The following C18orf63 variants were observed in gnomAD, a reference collection of about 807,000 sequenced individuals.
C18orf63 encodes the protein uncharacterized protein C18orf63.
C18orf63 carries 50 observed loss-of-function variants against 75.3 expected under a neutral mutation model. The ratio of observed to expected loss-of-function variants is 0.66; its 90% CI spans 0.53 to 0.84. The LOEUF is 0.84. Among genes scored for constraint, C18orf63 ranks in the 40% least tolerant of loss-of-function variants. The probability of loss-of-function intolerance (pLI) is 0.00; values close to 1 mark genes in which losing one functional copy is unlikely to be tolerated. For synonymous variants in C18orf63, 232 were observed against 267.6 expected (o/e 0.87, Z 1.30); for missense variants, 732 against 800.2 (o/e 0.91, Z 1.03).
At chr18:74,355,513 G>GC (rs201847043) in intron 13 of C18orf63, among the ~76,000 whole-genome samples, 15 of 152,226 alleles carry the variant, frequency 9.9e-5, no homozygotes, top group African/African-American at 3.6e-4. Context: ...AGGAGGGGGG[G>GC]CTTACACCTG....
chr18:74,336,546 A>G (rs952507541), intron 7 of C18orf63, among the ~76,000 whole-genome samples: 24 of 152,122 alleles, frequency 1.6e-4, no homozygotes, highest in African/African-American at 5.5e-4. Context: ...TATCATTTTA[A>G]ATGTTGCTGT....
chr18:74,326,447 C>T (rs1187939047), intron 4 of C18orf63, among the ~76,000 whole-genome samples: 2 of 152,176 alleles, frequency 1.3e-5, no homozygotes, highest in Non-Finnish European at 2.9e-5. Context: ...CTGTGCTAAT[C>T]CATACTCAGC....
intron 8 of C18orf63, 126 bp from the exon 9 acceptor site, chr18:74,341,901 TGTTTA>T: frequency 3.9e-6 from 2 of 519,408 alleles, no homozygotes; most frequent in Non-Finnish European, 6.7e-6. Context: ...AAACTTGAGA[TGTTTA>T]GTTTACTATA....
At chr18:74,352,762 T>C (rs1290480354) in intron 11 of C18orf63, among the ~76,000 whole-genome samples, 1 of 152,246 alleles carries the variant, frequency 6.6e-6, no homozygotes, top group African/African-American at 2.4e-5. Flanking sequence ...ATATGTGCAC[T>C]AAAAGATAAG....
At chr18:74,323,903 A>G (rs1984165733) in intron 4 of C18orf63, among the ~76,000 whole-genome samples, 2 of 152,196 alleles carry the variant, frequency 1.3e-5, no homozygotes, top group Non-Finnish European at 2.9e-5. Flanking sequence ...ATTGGCATGT[A>G]TAAAGTGTCC....
rs779047103 is a variant in C18orf63, at chr18:74,357,863, C to G, written c.*1416C>G. On this transcript the variant is annotated 3_prime_UTR_variant, in exon 14 of 14. Coordinates refer to ENST00000579455, the MANE Select transcript of C18orf63 (RefSeq NM_001174123.2). ...AAGCCCATTTTGAGTGTGCTTTTCTCATTCCAAAGTTTGTATTATAGATAT... is the reference window on the plus strand; with the variant it reads ...AAGCCCATTTTGAGTGTGCTTTTCTGATTCCAAAGTTTGTATTATAGATAT... The G allele has an allele frequency of 2.6e-5, 4 of 152,104 alleles. No homozygotes were observed. The highest frequency in any genetic ancestry group is 5.9e-5 in the Non-Finnish European group (4 of 68,020). 9.4% of individuals were successfully genotyped at this position (152,104 alleles called of 1,614,324 possible). A position where few individuals can be genotyped will look rare whatever the true frequency, so the allele number is the denominator to read the frequency against.
At chr18:74,337,967 T>C (rs73970146) in intron 7 of C18orf63, among the ~76,000 whole-genome samples, 2,957 of 152,238 alleles carry the variant, frequency 0.019, 91 homozygotes, top group African/African-American at 0.067. Context: ...AGTTAGAACA[T>C]TGTTTCCCAA....
rs887999709 is a variant in C18orf63, at chr18:74,353,557, C to T, written c.1290C>T (p.Asn430=). The change falls in exon 12 of 14, where the codon AAC becomes AAT. Residue 430 remains asparagine (N), a synonymous_variant. Transcript: ENST00000579455. ...VQHTNLSSQS[N]ITPKFVPVFK... is the part of the protein sequence containing the mutation. Reference sequence around the variant, plus strand: ...ACACAAATCTTAGCTCCCAAAGCAACATCACCCCTAAGTTTGTACCAGTTT... The same window carrying T: ...ACACAAATCTTAGCTCCCAAAGCAATATCACCCCTAAGTTTGTACCAGTTT... 5 of 1,536,456 alleles carry T rather than the reference C, an allele frequency of 3.3e-6. No homozygotes were observed. The highest frequency in any genetic ancestry group is 1.7e-4 in the Middle Eastern group (1 of 6,016).
chr18:74,354,393 C>A, intron 12 of C18orf63, 64 bp from the exon 13 acceptor site: 1 of 1,240,812 alleles, frequency 8.1e-7, no homozygotes, highest in South Asian at 1.4e-5. Flanking sequence ...GAATATCTAC[C>A]CTAGAGCGAC....
chr18:74,337,260 G>C (rs1168090527), intron 7 of C18orf63, among the ~76,000 whole-genome samples: 8 of 152,048 alleles, frequency 5.3e-5, no homozygotes. Flanking sequence ...GAAATACAAA[G>C]GGTTAGCATT....
chr18:74,342,373 T>C (rs767170914), intron 10 of C18orf63, 47 bp downstream of exon 10: 8 of 1,162,172 alleles, frequency 6.9e-6, no homozygotes, highest in Non-Finnish European at 9.9e-6. Flanking sequence ...GCCCACCTTA[T>C]AATCTAGTTT....
intron 12 of C18orf63, 75 bp from the exon 13 acceptor site, chr18:74,354,382 A>C (rs1171235930): frequency 8.0e-7 from 1 of 1,248,170 alleles, no homozygotes; most frequent in African/African-American, 1.5e-5. Context: ...ATTAATAAAC[A>C]GAATATCTAC....
intron 7 of C18orf63, among the ~76,000 whole-genome samples, chr18:74,337,052 A>G (rs1230195783): frequency 6.6e-6 from 1 of 152,024 alleles, no homozygotes; most frequent in African/African-American, 2.4e-5. Context: ...TTTTCCTTAC[A>G]ATGTCAACAG....
In C18orf63 at chr18:74,354,222, A is replaced by AT. The variant is rs1483740111; in HGVS notation, c.1957dup (p.Ser653PhefsTer13). ...TCTTCCAAAACTTCAAAGAAGCATCATTCCGATACTGTGCACTATGGCCAA... is the reference window on the plus strand; with the variant it reads ...TCTTCCAAAACTTCAAAGAAGCATCATTTCCGATACTGTGCACTATGGCCAA... On this transcript the variant is annotated frameshift_variant, in exon 12 of 14. Transcript: ENST00000579455. LOFTEE classifies it high-confidence loss of function. 1.5e-5 allele frequency: 23 copies of AT among 1,534,790 alleles called. No homozygotes were observed. The highest frequency in any genetic ancestry group is 4.0e-5 in the Admixed American group (2 of 50,362).
chr18:74,319,216 C>G (rs574330120), intron 2 of C18orf63, among the ~76,000 whole-genome samples: 2 of 152,080 alleles, frequency 1.3e-5, no homozygotes, highest in Non-Finnish European at 2.9e-5. Flanking sequence ...GGCAGCCATT[C>G]CCACAGAGTG....
chr18:74,353,849 T>A lies in C18orf63; in HGVS notation c.1582T>A (p.Ser528Thr), dbSNP rs1215449991. 1.2e-5 allele frequency: 19 copies of A among 1,535,888 alleles called. No individual in the cohort carries two copies. In the Admixed American group the frequency reaches 3.7e-4, roughly 30 times the overall value. ...SSENMTKFPS[S>T]RGKSTVSLNK... Reference sequence around the variant, plus strand: ...TGAAAATATGACAAAATTTCCCTCTTCTCGTGGAAAATCGACTGTGAGTTT... The same window carrying A: ...TGAAAATATGACAAAATTTCCCTCTACTCGTGGAAAATCGACTGTGAGTTT... The change falls in exon 12 of 14, where the codon TCT becomes ACT. Residue 528 changes from serine (S) to threonine (T), a missense_variant. Physicochemically the swap from Ser to Thr is moderately conservative, Grantham distance 58. Coordinates refer to ENST00000579455, the MANE Select transcript of C18orf63 (RefSeq NM_001174123.2).
At chr18:74,349,011 C>T (rs1984620885) in intron 11 of C18orf63, among the ~76,000 whole-genome samples, 2 of 152,174 alleles carry the variant, frequency 1.3e-5, no homozygotes, top group Admixed American at 1.3e-4. Context: ...TCATATACCA[C>T]ACACATATTC....
Position 74,317,564 on chromosome 18 carries a change from A to G in C18orf63, c.-32-270A>G, listed in dbSNP as rs532519851. On this transcript the variant is annotated intron_variant, in intron 1 of 13. Transcript: ENST00000579455. ...TGCAATGATGGTTGCACAACTCTGA[A>G]TACAGTAAAAAACAGTGAATTGTAC... Among the ~76,000 whole-genome samples the G allele has an allele frequency of 2.1e-3, 317 of 152,328 alleles. 3 individuals are homozygous for G. The highest frequency in any genetic ancestry group is 3.1e-3 in the Non-Finnish European group (213 of 68,020).
intron 7 of C18orf63, among the ~76,000 whole-genome samples, chr18:74,337,944 T>A (rs1052219726): frequency 6.6e-6 from 1 of 152,114 alleles, no homozygotes; most frequent in Non-Finnish European, 1.5e-5. Context: ...CCTTGAAAAG[T>A]AGTAGGCAGC....
Sources: allele counts gnomAD v4.1 joint callset (sites outside exome capture counted in the v4.1 genomes callset), GRCh38; gene constraint gnomAD v4.1.1; transcripts MANE v1.5; gene names NCBI Gene and HGNC (gene_info 2026-07-23, HGNC 2026-07-21).